Variants in ADAMTS2 observed in about 807,000 individuals in gnomAD.
ADAMTS2 encodes the protein A disintegrin and metalloproteinase with thrombospondin motifs 2.
Under a neutral mutation model 123.0 loss-of-function variants are expected in ADAMTS2, and 50 were observed. That is an observed-to-expected ratio of 0.41 (90% CI 0.32 to 0.51). The LOEUF is 0.51. Ranked by LOEUF, ADAMTS2 falls within the 20% of genes least tolerant of loss-of-function variation. The probability of loss-of-function intolerance (pLI) is 0.35; values close to 1 mark genes in which losing one functional copy is unlikely to be tolerated. For missense variants in ADAMTS2, 1,494 were observed against 1,705.2 expected, an observed-to-expected ratio of 0.88 and a Z score of 2.18; for synonymous variants, 678 against 695.4, an observed-to-expected ratio of 0.98 and a Z score of 0.39.
chr5:179,301,825 C>T lies in ADAMTS2; in HGVS notation c.535-28761G>A, dbSNP rs147919476. Among the ~76,000 whole-genome samples the T allele has an allele frequency of 7.9e-3, 1,207 of 152,368 alleles. 13 individuals are homozygous for T. The highest frequency in any genetic ancestry group is 0.028 in the African/African-American group (1,168 of 41,588). On this transcript the variant is annotated intron_variant, in intron 2 of 21. Transcript: ENST00000251582. ...TGCTGCCCCAGCAGTGTCCTCTCAT[C>T]CAGCGTGTGAAGAAGGAGTGCAGCC...
chr5:179,242,608 G>A lies in ADAMTS2; in HGVS notation c.688+30303C>T, dbSNP rs147955440. ...ATTCAAGAAAATCAACCAAATCTTG[G>A]GAAGAAAAATCCCAGTAAGAACAGC... On this transcript the variant is annotated intron_variant, in intron 3 of 21. Transcript: ENST00000251582. The surrounding 1 kb of genome is among the most constrained non-coding windows in gnomAD (Gnocchi z 4.2). Among the ~76,000 whole-genome samples the A allele has an allele frequency of 6.6e-6, 1 of 152,206 alleles. No individual in the cohort carries two copies.
intron 4 of ADAMTS2, among the ~76,000 whole-genome samples, chr5:179,182,788 T>C (rs1028056508): frequency 6.6e-6 from 1 of 152,140 alleles, no homozygotes; most frequent in Admixed American, 6.5e-5. Context: ...GCGTGGCTGG[T>C]CACCGTGGCT....
chr5:179,153,672 T>G, intron 8 of ADAMTS2, 49 bp from the exon 9 acceptor site: 1 of 1,569,908 alleles, frequency 6.4e-7, no homozygotes, highest in Non-Finnish European at 8.6e-7. Flanking sequence ...CGGCTGACCA[T>G]CCACAGCCCT....
chr5:179,230,565 C>T (rs185216778), intron 3 of ADAMTS2, among the ~76,000 whole-genome samples: 7 of 152,358 alleles, frequency 4.6e-5, no homozygotes, highest in African/African-American at 7.2e-5. Flanking sequence ...CAGTTACTGT[C>T]ACCTTGGGTC....
intron 10 of ADAMTS2, among the ~76,000 whole-genome samples, chr5:179,149,265 C>T (rs541408639): frequency 3.5e-4 from 54 of 152,288 alleles, no homozygotes; most frequent in African/African-American, 1.3e-3. Flanking sequence ...CCCTCTCTCC[C>T]TGCCATGTGA....
At chr5:179,164,469 G>A (rs994728842) in intron 5 of ADAMTS2, among the ~76,000 whole-genome samples, 5 of 152,212 alleles carry the variant, frequency 3.3e-5, no homozygotes, top group African/African-American at 1.2e-4. Flanking sequence ...AGGCATCAGG[G>A]CTGCAGGGCG....
intron 2 of ADAMTS2, among the ~76,000 whole-genome samples, chr5:179,337,553 G>A (rs776271625): frequency 6.6e-6 from 1 of 152,228 alleles, no homozygotes; most frequent in Non-Finnish European, 1.5e-5. Flanking sequence ...CCAGCCTGCT[G>A]TGCCGGCAGC....
chr5:179,340,422 C>T (rs917606204), intron 2 of ADAMTS2, among the ~76,000 whole-genome samples: 1 of 152,246 alleles, frequency 6.6e-6, no homozygotes, highest in Non-Finnish European at 1.5e-5. Context: ...GCTCCCAGGC[C>T]TGCTCCCGGC....
Position 179,303,184 on chromosome 5 carries a change from CCTCT to C in ADAMTS2, c.535-30124_535-30121del, listed in dbSNP as rs1292388351. 6.6e-6 allele frequency among the ~76,000 whole-genome samples: 1 copy of C among 152,128 alleles called. No individual in the cohort carries two copies. Among genetic ancestry groups the C allele is most frequent in the Non-Finnish European group, 1.5e-5 (1 of 68,018 alleles). ...AATTGCTGGGGGCAGGATCTCCCTCCCTCTCTCTATGAAATTCCTGTTCAGCAGG... is the reference window on the plus strand; with the variant it reads ...AATTGCTGGGGGCAGGATCTCCCTCCCTCTATGAAATTCCTGTTCAGCAGG... On this transcript the variant is annotated intron_variant, in intron 2 of 21. Coordinates refer to ENST00000251582, the MANE Select transcript of ADAMTS2 (RefSeq NM_014244.5). This position sits in a 1 kb window ranked among gnomAD's most constrained non-coding sequence, Gnocchi z 4.7.
intron 2 of ADAMTS2, among the ~76,000 whole-genome samples, chr5:179,301,290 T>C (rs1023926752): frequency 6.6e-6 from 1 of 152,224 alleles, no homozygotes; most frequent in Non-Finnish European, 1.5e-5. Context: ...CCCCACTCTG[T>C]CACTTGTGGC....
intron 2 of ADAMTS2, among the ~76,000 whole-genome samples, chr5:179,279,686 A>G (rs1383058448): frequency 3.3e-5 from 5 of 152,222 alleles, no homozygotes; most frequent in Non-Finnish European, 5.9e-5. Context: ...TCACTACTGA[A>G]CAGTCCCAGG....
chr5:179,167,180 C>G (rs2113283572), intron 5 of ADAMTS2, among the ~76,000 whole-genome samples: 1 of 152,288 alleles, frequency 6.6e-6, no homozygotes, highest in East Asian at 1.9e-4. Flanking sequence ...GCGTCTCAGA[C>G]AACTGAAAGG....
intron 2 of ADAMTS2, among the ~76,000 whole-genome samples, chr5:179,327,367 C>G (rs1488915366): frequency 6.6e-6 from 1 of 152,178 alleles, no homozygotes; most frequent in Non-Finnish European, 1.5e-5. Context: ...CCAGCCTTCT[C>G]CTGAAAGTGT....
Position 179,121,474 on chromosome 5 carries a change from C to A in ADAMTS2, c.3178+187G>T. 6 of 474,806 alleles carry A rather than the reference C, an allele frequency of 1.3e-5. No individual in the cohort carries two copies. In the South Asian group the frequency reaches 2.8e-4, roughly 22 times the overall value. 29.4% of individuals were successfully genotyped at this position (474,806 alleles called of 1,614,324 possible). A position where few individuals can be genotyped will look rare whatever the true frequency, so the allele number is the denominator to read the frequency against. ...CCCCAGCAGAGGCCCGAGCCCCCGC[C>A]AGCAGGCAGCGCGGCCCGGAGCGGA... On this transcript the variant is annotated intron_variant, in intron 21 of 21. Transcript: ENST00000251582.
In ADAMTS2 at chr5:179,178,687, C is replaced by T. The variant is rs554263891; in HGVS notation, c.975+2385G>A. On this transcript the variant is annotated intron_variant, in intron 5 of 21. Transcript: ENST00000251582. ...TCTTCTTCATTGATTCTATGTGTTT[C>T]TTCCATTTTCTAATTTATTGATTTC... Among the ~76,000 whole-genome samples the T allele has an allele frequency of 5.2e-3, 798 of 152,178 alleles. 5 individuals carry two copies. Among genetic ancestry groups the T allele is most frequent in the Non-Finnish European group, 7.6e-3 (514 of 68,006 alleles).
intron 2 of ADAMTS2, among the ~76,000 whole-genome samples, chr5:179,292,342 C>CCG (rs59290144): frequency 6.6e-6 from 1 of 150,898 alleles, no homozygotes; most frequent in South Asian, 2.2e-4. Flanking sequence ...TATTACCCCC[C>CCG]AGCTGTGGGA....
intron 13 of ADAMTS2, among the ~76,000 whole-genome samples, chr5:179,135,207 C>T (rs1418409413): frequency 2.1e-5 from 3 of 139,548 alleles, no homozygotes; most frequent in East Asian, 2.1e-4. Flanking sequence ...GCTGTCCCTG[C>T]GCCCACTCCC....
At chr5:179,268,801 G>A (rs968358074) in intron 3 of ADAMTS2, among the ~76,000 whole-genome samples, 1 of 152,202 alleles carries the variant, frequency 6.6e-6, no homozygotes, top group African/African-American at 2.4e-5. Context: ...GAAGCCTACA[G>A]TGCTGCTCCT....
chr5:179,290,607 C>T (rs528071597), intron 2 of ADAMTS2, among the ~76,000 whole-genome samples: 2 of 152,334 alleles, frequency 1.3e-5, no homozygotes, highest in Middle Eastern at 6.8e-3. Context: ...ATTTTTGCAA[C>T]TTTTCTTGCA....
Sources: allele counts gnomAD v4.1 joint callset (sites outside exome capture counted in the v4.1 genomes callset), GRCh38; gene constraint gnomAD v4.1.1; non-coding constraint Gnocchi (gnomAD v3.1); transcripts MANE v1.5; gene names NCBI Gene and HGNC (gene_info 2026-07-23, HGNC 2026-07-21).